Variants in GLDN observed in about 807,000 individuals in gnomAD.
GLDN encodes the protein collomin.
GLDN carries 47 observed loss-of-function variants against 56.5 expected under a neutral mutation model. The observed-to-expected ratio is 0.83, with a 90% confidence interval of 0.66 to 1.06. The LOEUF (loss-of-function observed/expected upper bound fraction) is 1.06, where lower values mean the gene tolerates loss of function less well. GLDN is among the 50% of genes least tolerant of loss of function. The pLI, the probability that GLDN is intolerant of heterozygous loss-of-function variation, is 0.00. For missense variants in GLDN, 782 were observed against 714.3 expected, an observed-to-expected ratio of 1.09 and a Z score of -1.08; for synonymous variants, 332 against 278.8, an observed-to-expected ratio of 1.19 and a Z score of -1.90.
downstream of GLDN, among the ~76,000 whole-genome samples, chr15:51,408,914 C>G (rs2038434000): frequency 6.6e-6 from 1 of 151,898 alleles, no homozygotes; most frequent in African/African-American, 2.4e-5. Flanking sequence ...GCCACATTTT[C>G]TTAATCCAGT....
chr15:51,394,820 T>C lies in GLDN; in HGVS notation c.542-15T>C, dbSNP rs1269902720. 2.5e-6 allele frequency: 4 copies of C among 1,613,768 alleles called. No individual in the cohort carries two copies. Among genetic ancestry groups the C allele is most frequent in the Non-Finnish European group, 2.5e-6 (3 of 1,179,922 alleles). ...TTGCACCATAGGCTAATATGTCTTT[T>C]GTTTTTTTGGTCAGGGATACCTGGA... On this transcript the variant is annotated splice_polypyrimidine_tract_variant and intron_variant, in intron 4 of 9. Transcript: ENST00000335449.
Position 51,355,735 on chromosome 15 carries a change from G to A in GLDN, c.363+13688G>A, listed in dbSNP as rs1200092737. The stretch of plus-strand genomic sequence containing the variant: ...AGACGGGGTTTCACCGTGTTAGCCG[G>A]GATGGTCTTGATCTCCTGACTTTGT... On this transcript the variant is annotated intron_variant, in intron 1 of 9. Coordinates refer to ENST00000335449, the MANE Select transcript of GLDN (RefSeq NM_181789.4). 1.0e-4 allele frequency among the ~76,000 whole-genome samples: 15 copies of A among 149,548 alleles called. 1 individual carries two copies. The South Asian group carries it at 2.6e-3, about 26-fold the overall frequency.
At chr15:51,376,625 G>A in intron 1 of GLDN, among the ~76,000 whole-genome samples, 1 of 152,136 alleles carries the variant, frequency 6.6e-6, no homozygotes, top group Non-Finnish European at 1.5e-5. Context: ...TTTTTGACTT[G>A]TAATAACACA....
intron 1 of GLDN, among the ~76,000 whole-genome samples, chr15:51,361,406 T>C (rs150317485): frequency 5.3e-4 from 81 of 152,252 alleles, no homozygotes; most frequent in African/African-American, 1.9e-3. Context: ...ATATATAAAT[T>C]TGGGTATCTG....
At position 51,359,729 on chromosome 15, in the gene GLDN, C is replaced by G. The variant is rs1251516746; in HGVS notation, c.363+17682C>G. 3.3e-5 allele frequency among the ~76,000 whole-genome samples: 5 copies of G among 152,098 alleles called. No homozygotes were observed. In the East Asian group the frequency reaches 9.7e-4, roughly 29 times the overall value. The stretch of plus-strand genomic sequence containing the variant: ...CGGTGGCTCATGCCTGTAATCCCAG[C>G]ACTTTGGGAGGCCGAGGAGGGCGGA... On this transcript the variant is annotated intron_variant, in intron 1 of 9. Coordinates refer to ENST00000335449, the MANE Select transcript of GLDN (RefSeq NM_181789.4).
chr15:51,411,750 T>C (rs956536657), downstream of GLDN, among the ~76,000 whole-genome samples: 2 of 152,260 alleles, frequency 1.3e-5, no homozygotes, highest in Non-Finnish European at 2.9e-5. Flanking sequence ...ACAAGCATCT[T>C]TGACTTTTAA....
chr15:51,380,725 G>C (rs1174875164), intron 2 of GLDN, among the ~76,000 whole-genome samples: 1 of 152,106 alleles, frequency 6.6e-6, no homozygotes, highest in African/African-American at 2.4e-5. Flanking sequence ...CTCTTTCCTG[G>C]TGCCTCTTCT....
chr15:51,350,039 G>A (rs750459083), intron 1 of GLDN, among the ~76,000 whole-genome samples: 12 of 152,084 alleles, frequency 7.9e-5, no homozygotes, highest in African/African-American at 9.7e-5. Flanking sequence ...CACCGCACCC[G>A]GCCTAGGGTT....
chr15:51,380,156 C>G (rs2037725725), intron 2 of GLDN, among the ~76,000 whole-genome samples: 1 of 152,076 alleles, frequency 6.6e-6, no homozygotes, highest in South Asian at 2.1e-4. Flanking sequence ...GAGTTGGGAC[C>G]CCACCAAGCC....
chr15:51,374,695 C>G (rs977621164), intron 1 of GLDN, among the ~76,000 whole-genome samples: 9 of 150,590 alleles, frequency 6.0e-5, no homozygotes, highest in African/African-American at 2.2e-4. Context: ...TCATATTATT[C>G]ATCGTTAAAT....
intron 5 of GLDN, among the ~76,000 whole-genome samples, chr15:51,396,097 GGT>G (rs1486256351): frequency 6.6e-6 from 1 of 152,118 alleles, no homozygotes; most frequent in Non-Finnish European, 1.5e-5. Flanking sequence ...ATGAGATTTG[GGT>G]GGGATATCCA....
rs148539600 is a variant in GLDN, at chr15:51,400,210, C to G, written c.836C>G (p.Pro279Arg). Reference sequence around the variant, plus strand: ...ATTTTAGGTGAGACTTGTGCCATACCAAATGATGATACCTTGGTTGGAAAA... The same window carrying G: ...ATTTTAGGTGAGACTTGTGCCATACGAAATGATGATACCTTGGTTGGAAAA... ...GQCPGETCAIPNDDTLVGKAD... is the reference protein window; with the variant it reads ...GQCPGETCAIRNDDTLVGKAD... Residue 279 changes from proline to arginine, a missense_variant, in exon 7 of 10, where the codon CCA becomes CGA. Pro to Arg is a moderately radical substitution (Grantham distance 103, BLOSUM62 -2). Coordinates refer to ENST00000335449, the MANE Select transcript of GLDN (RefSeq NM_181789.4). 1.7e-3 allele frequency: 2,776 copies of G among 1,614,056 alleles called. 8 individuals carry two copies. The highest frequency in any genetic ancestry group is 2.1e-3 in the Non-Finnish European group (2,439 of 1,179,948).
chr15:51,372,340 G>A (rs16964315), intron 1 of GLDN, among the ~76,000 whole-genome samples: 19,941 of 152,162 alleles, frequency 0.13, 2,629 homozygotes, highest in African/African-American at 0.34. Flanking sequence ...GCTACCAAAC[G>A]TTCAATGCTG....
intron 4 of GLDN, among the ~76,000 whole-genome samples, chr15:51,394,367 C>A (rs1385214737): frequency 1.3e-5 from 2 of 152,168 alleles, no homozygotes; most frequent in Non-Finnish European, 2.9e-5. Flanking sequence ...AATTCCAGCA[C>A]TTTGGGAGGC....
chr15:51,362,916 A>G (rs2037328666), intron 1 of GLDN, among the ~76,000 whole-genome samples: 1 of 151,784 alleles, frequency 6.6e-6, no homozygotes, highest in Non-Finnish European at 1.5e-5. Flanking sequence ...ATGTGAGTTG[A>G]GCTGATAAAA....
At chr15:51,383,761 C>A in intron 3 of GLDN, 24 bp from the exon 4 acceptor site, 3 of 1,484,490 alleles carry the variant, frequency 2.0e-6, no homozygotes, top group Non-Finnish European at 2.7e-6. Flanking sequence ...TGGTTAATGT[C>A]CCTGTTTCTG....
chr15:51,391,573 CA>C (rs1212440331), intron 4 of GLDN, among the ~76,000 whole-genome samples: 2 of 152,178 alleles, frequency 1.3e-5, no homozygotes, highest in Admixed American at 6.5e-5. Context: ...AAAACACTGA[CA>C]AAAGAACGTC....
intron 1 of GLDN, among the ~76,000 whole-genome samples, chr15:51,353,203 C>T (rs534383138): frequency 3.9e-5 from 6 of 152,158 alleles, no homozygotes; most frequent in African/African-American, 1.4e-4. Context: ...GTGGTTTCAT[C>T]CCTGACCCAA....
intron 5 of GLDN, among the ~76,000 whole-genome samples, chr15:51,395,340 C>T (rs1006542048): frequency 2.0e-5 from 3 of 152,192 alleles, no homozygotes; most frequent in African/African-American, 7.2e-5. Context: ...GAAGCACAAG[C>T]GTTTGCTTCA....
Sources: gnomAD v4.1 joint callset for allele counts (sites outside exome capture counted in the v4.1 genomes callset) on GRCh38, gnomAD v4.1.1 for gene constraint, MANE v1.5 for transcripts, NCBI Gene and HGNC (gene_info 2026-07-23, HGNC 2026-07-21) for gene names.